The following AGMO variants were observed in gnomAD, a reference collection of about 807,000 sequenced individuals.
AGMO encodes the protein alkylglycerol monooxygenase.
In AGMO, 75 loss-of-function variants were observed where a neutral mutation model predicts 60.2. The observed-to-expected ratio is 1.25, with a 90% confidence interval of 1.03 to 1.51. AGMO has a LOEUF of 1.51. Among genes scored for constraint, AGMO ranks in the 40% most tolerant of loss-of-function variants. AGMO has a pLI of 0.00. For synonymous variants in AGMO, 261 were observed against 177.1 expected, an observed-to-expected ratio of 1.47 and a Z score of -3.76; for missense variants, 763 against 525.5, an observed-to-expected ratio of 1.45 and a Z score of -4.42.
intron 12 of AGMO, among the ~76,000 whole-genome samples, chr7:15,225,412 C>A (rs6461160): frequency 0.33 from 49,685 of 151,570 alleles, 12,265 homozygotes; most frequent in African/African-American, 0.7. Flanking sequence ...AATGTTTTAA[C>A]TTTCTCAATA....
intron 8 of AGMO, among the ~76,000 whole-genome samples, chr7:15,388,641 G>A (rs545461576): frequency 1.8e-4 from 28 of 152,212 alleles, no homozygotes; most frequent in African/African-American, 6.7e-4. Context: ...GGAGGGCAAG[G>A]TCAATGATTT....
intron 3 of AGMO, among the ~76,000 whole-genome samples, chr7:15,501,546 A>C (rs923239257): frequency 7.2e-5 from 11 of 152,026 alleles, no homozygotes; most frequent in Non-Finnish European, 1.3e-4. Flanking sequence ...AAGTCAAATC[A>C]AATTAATATA....
chr7:15,492,383 T>C (rs1017021099), intron 3 of AGMO, among the ~76,000 whole-genome samples: 2 of 145,568 alleles, frequency 1.4e-5, no homozygotes, highest in African/African-American at 2.6e-5. Context: ...AAAACATTAA[T>C]AATAAATTCA....
chr7:15,215,423 T>G (rs1327486996), intron 12 of AGMO, among the ~76,000 whole-genome samples: 1 of 151,950 alleles, frequency 6.6e-6, no homozygotes, highest in East Asian at 1.9e-4. Context: ...ACCTGAAGAC[T>G]CAACACAGCT....
intron 3 of AGMO, among the ~76,000 whole-genome samples, chr7:15,540,475 CT>C (rs1156273722): frequency 3.3e-5 from 5 of 152,198 alleles, no homozygotes; most frequent in African/African-American, 1.2e-4. Flanking sequence ...GAGGCAAGGT[CT>C]CTTTCTCATG....
At chr7:15,538,499 G>A (rs553996541) in intron 3 of AGMO, among the ~76,000 whole-genome samples, 52 of 152,204 alleles carry the variant, frequency 3.4e-4, no homozygotes, top group African/African-American at 1.1e-3. Flanking sequence ...CTCCCTAGGC[G>A]CTGAGAGTGC....
chr7:15,334,550 C>T (rs933768021), intron 12 of AGMO, among the ~76,000 whole-genome samples: 10 of 152,094 alleles, frequency 6.6e-5, no homozygotes, highest in African/African-American at 2.4e-4. Flanking sequence ...TTAGTTAATA[C>T]CAAAGGCTTT....
At chr7:15,380,837 T>C (rs551689876) in intron 10 of AGMO, among the ~76,000 whole-genome samples, 11 of 152,264 alleles carry the variant, frequency 7.2e-5, no homozygotes, top group Middle Eastern at 3.4e-3. Context: ...AACAGTCACA[T>C]AGACCAATGG....
chr7:15,441,905 A>ATGT (rs1781568321), intron 3 of AGMO, among the ~76,000 whole-genome samples: 1 of 152,138 alleles, frequency 6.6e-6, no homozygotes, highest in African/African-American at 2.4e-5. Context: ...TCCTGAGTGG[A>ATGT]TGTATATTAC....
chr7:15,459,757 CTA>C (rs1782096476), intron 3 of AGMO, among the ~76,000 whole-genome samples: 1 of 151,852 alleles, frequency 6.6e-6, no homozygotes, highest in Non-Finnish European at 1.5e-5. Flanking sequence ...TCAGTTTAAA[CTA>C]AATGATAAAA....
chr7:15,190,045 T>C, the AGMO span, among the ~76,000 whole-genome samples: 1 of 144,484 alleles, frequency 6.9e-6, no homozygotes, highest in African/African-American at 2.5e-5. Flanking sequence ...GGTGTTTGTG[T>C]AGTCCATGTA....
chr7:15,515,030 AC>A (rs1356572348), intron 3 of AGMO, among the ~76,000 whole-genome samples: 2 of 152,020 alleles, frequency 1.3e-5, no homozygotes, highest in African/African-American at 4.8e-5. Context: ...TTCTCTACTC[AC>A]CTTTTTCTCT....
chr7:15,349,019 C>T (rs1289521326), intron 12 of AGMO, among the ~76,000 whole-genome samples: 1 of 151,744 alleles, frequency 6.6e-6, no homozygotes, highest in Admixed American at 6.6e-5. Context: ...CACATTGTGA[C>T]TTATTTCTAT....
chr7:15,173,641 T>G, the AGMO span, among the ~76,000 whole-genome samples: 1 of 152,090 alleles, frequency 6.6e-6, no homozygotes, highest in African/African-American at 2.4e-5. Flanking sequence ...TATATTGTAA[T>G]GTTATACATT....
the AGMO span, among the ~76,000 whole-genome samples, chr7:15,168,721 G>C: frequency 6.6e-6 from 1 of 152,176 alleles, no homozygotes; most frequent in Non-Finnish European, 1.5e-5. Context: ...AAGTATGCAC[G>C]CTCTGTCACT....
At chr7:15,395,171 G>C (rs1049781127) in intron 5 of AGMO, among the ~76,000 whole-genome samples, 1 of 152,110 alleles carries the variant, frequency 6.6e-6, no homozygotes, top group East Asian at 1.9e-4. Flanking sequence ...ACACTGTTAT[G>C]ATATTTTAAG....
intron 12 of AGMO, among the ~76,000 whole-genome samples, chr7:15,345,324 T>G (rs1462427680): frequency 6.6e-6 from 1 of 152,176 alleles, no homozygotes; most frequent in African/African-American, 2.4e-5. Context: ...CCCAACATGG[T>G]AAGCAATTTC....
At chr7:15,480,378 G>A (rs577535979) in intron 3 of AGMO, among the ~76,000 whole-genome samples, 4 of 152,210 alleles carry the variant, frequency 2.6e-5, no homozygotes, top group Non-Finnish European at 1.5e-5. Context: ...TTGCAATGAA[G>A]GAGTAAAAAT....
the AGMO span, among the ~76,000 whole-genome samples, chr7:15,176,838 C>G: frequency 6.6e-6 from 1 of 151,900 alleles, no homozygotes; most frequent in Admixed American, 6.6e-5. Context: ...TTACTGAAAT[C>G]ATAGGCTTCT....
Sources: gnomAD v4.1 joint callset for allele counts (sites outside exome capture counted in the v4.1 genomes callset) on GRCh38, gnomAD v4.1.1 for gene constraint, MANE v1.5 for transcripts, NCBI Gene and HGNC (gene_info 2026-07-23, HGNC 2026-07-21) for gene names.